Variants in CMSS1 observed in about 807,000 individuals in gnomAD.
The protein encoded by CMSS1 is cms1 ribosomal small subunit homolog, also known as protein CMSS1.
In CMSS1, 33 loss-of-function variants were observed where a neutral mutation model predicts 43.5. That is an observed-to-expected ratio of 0.76 (90% CI 0.57 to 1.01). CMSS1 has a LOEUF of 1.01. CMSS1 is among the 50% of genes least tolerant of loss of function. The pLI, the probability that CMSS1 is intolerant of heterozygous loss-of-function variation, is 0.00. For missense variants in CMSS1, 313 were observed against 326.4 expected (o/e 0.96, Z 0.32); for synonymous variants, 115 against 117.2 (o/e 0.98, Z 0.12).
intron 1 of CMSS1, among the ~76,000 whole-genome samples, chr3:100,110,805 T>C (rs2066478133): frequency 6.6e-6 from 1 of 152,160 alleles, no homozygotes; most frequent in African/African-American, 2.4e-5. Flanking sequence ...CACAACAGCC[T>C]ACTTATGCTT....
chr3:99,917,975 T>C (rs1404784691), intron 1 of CMSS1, among the ~76,000 whole-genome samples: 1 of 152,070 alleles, frequency 6.6e-6, no homozygotes, highest in Admixed American at 6.5e-5. Context: ...GTTTTTTGTT[T>C]TGTTTTGTTT....
At chr3:99,915,253 T>G (rs1279515291) in intron 1 of CMSS1, among the ~76,000 whole-genome samples, 1 of 152,234 alleles carries the variant, frequency 6.6e-6, no homozygotes, top group Non-Finnish European at 1.5e-5. Context: ...AATAATAGAT[T>G]AAAATGTAGC....
At chr3:99,874,778 C>G (rs1045645603) in intron 1 of CMSS1, among the ~76,000 whole-genome samples, 5 of 152,128 alleles carry the variant, frequency 3.3e-5, no homozygotes, top group Non-Finnish European at 5.9e-5. Context: ...ATGATAAAAT[C>G]TGGGATCTGA....
At chr3:99,969,355 A>G (rs1708747874) in intron 1 of CMSS1, among the ~76,000 whole-genome samples, 1 of 152,230 alleles carries the variant, frequency 6.6e-6, no homozygotes, top group Non-Finnish European at 1.5e-5. Flanking sequence ...AAATAAGAGC[A>G]AGCTAAGCAA....
At chr3:99,922,995 A>G (rs1046515230) in intron 1 of CMSS1, among the ~76,000 whole-genome samples, 3 of 151,840 alleles carry the variant, frequency 2.0e-5, no homozygotes, top group Non-Finnish European at 4.4e-5. Flanking sequence ...TCTTTTCTGC[A>G]TTATTTGGTG....
At chr3:100,009,107 A>T (rs1189429139) in intron 1 of CMSS1, among the ~76,000 whole-genome samples, 1 of 152,214 alleles carries the variant, frequency 6.6e-6, no homozygotes, top group Non-Finnish European at 1.5e-5. Context: ...TGGCCTTTAA[A>T]TATTAGAATA....
At chr3:99,874,391 G>T (rs1031053498) in intron 1 of CMSS1, 1 of 152,026 alleles carries the variant, frequency 6.6e-6, no homozygotes, top group Non-Finnish European at 1.5e-5. Context: ...TCCAATTACC[G>T]CTTATATCAG....
intron 1 of CMSS1, among the ~76,000 whole-genome samples, chr3:99,933,817 G>T (rs1707569365): frequency 1.3e-5 from 2 of 152,230 alleles, no homozygotes; most frequent in African/African-American, 4.8e-5. Context: ...TACATAATGG[G>T]CATGCATTAG....
At chr3:99,826,634 G>A (rs1469369940) in intron 1 of CMSS1, among the ~76,000 whole-genome samples, 1 of 152,170 alleles carries the variant, frequency 6.6e-6, no homozygotes, top group Non-Finnish European at 1.5e-5. Context: ...TGTATGTCAC[G>A]TGTCTTCAGG....
At chr3:99,834,087 A>G (rs944497232) in intron 1 of CMSS1, among the ~76,000 whole-genome samples, 5 of 152,234 alleles carry the variant, frequency 3.3e-5, no homozygotes, top group Non-Finnish European at 7.3e-5. Flanking sequence ...GAAATAAGAG[A>G]TAATGAATCT....
At chr3:99,884,983 C>G (rs976509766) in intron 1 of CMSS1, among the ~76,000 whole-genome samples, 2 of 152,138 alleles carry the variant, frequency 1.3e-5, no homozygotes, top group African/African-American at 4.8e-5. Context: ...TTTAACCATG[C>G]AAGTGGGGAA....
At chr3:100,017,248 T>C (rs1371547474) in intron 1 of CMSS1, among the ~76,000 whole-genome samples, 1 of 152,210 alleles carries the variant, frequency 6.6e-6, no homozygotes, top group African/African-American at 2.4e-5. Flanking sequence ...ATCCAGTTGG[T>C]CCATTATACA....
intron 1 of CMSS1, among the ~76,000 whole-genome samples, chr3:99,832,883 G>C (rs1177178297): frequency 2.4e-5 from 3 of 127,322 alleles, no homozygotes; most frequent in Non-Finnish European, 4.9e-5. Flanking sequence ...TTTCTTGTAT[G>C]ACTTATCCTT....
In CMSS1 at chr3:100,102,737, T is replaced by C. The variant is rs183000811; in HGVS notation, c.65-44236T>C. On this transcript the variant is annotated intron_variant, in intron 1 of 9. Coordinates refer to ENST00000421999, the MANE Select transcript of CMSS1 (RefSeq NM_032359.4). ...GACACTGTGCTTCCTCTGGGTTTGT[T>C]CATTTACTTGGCTATGAAAGACAAT... Among the ~76,000 whole-genome samples, 12 of 152,342 alleles carry C rather than the reference T, an allele frequency of 7.9e-5. No homozygotes were observed. The East Asian group carries it at 1.9e-3, about 24-fold the overall frequency.
intron 1 of CMSS1, among the ~76,000 whole-genome samples, chr3:99,950,509 A>G (rs1370892613): frequency 6.6e-6 from 1 of 152,156 alleles, no homozygotes. Context: ...TTCCGTTTTC[A>G]CTAGTCTCCC....
intron 1 of CMSS1, among the ~76,000 whole-genome samples, chr3:100,117,856 T>TATATATATATATATATATATAC (rs2066587917): frequency 3.5e-5 from 2 of 57,106 alleles, no homozygotes; most frequent in African/African-American, 1.3e-4. Flanking sequence ...TATATATACA[T>TATATATATATATATATATATAC]ATATATATAT....
intron 1 of CMSS1, among the ~76,000 whole-genome samples, chr3:99,999,834 A>AAAAAC (rs1202963835): frequency 6.6e-6 from 1 of 152,230 alleles, no homozygotes; most frequent in Non-Finnish European, 1.5e-5. Flanking sequence ...CTAGATTTAA[A>AAAAAC]AAAACAAAAC....
At chr3:99,851,157 TA>T in intron 1 of CMSS1, 1 of 1,032,818 alleles carries the variant, frequency 9.7e-7, no homozygotes, top group Non-Finnish European at 1.4e-6. Context: ...ATTTAGAAAT[TA>T]TGTAATTATA....
At chr3:99,991,858 A>ATG (rs1709521995) in intron 1 of CMSS1, among the ~76,000 whole-genome samples, 2 of 111,142 alleles carry the variant, frequency 1.8e-5, no homozygotes, top group South Asian at 2.9e-4. Context: ...GTGTGTGTGT[A>ATG]TGTGTATATA....
Sources: allele counts gnomAD v4.1 joint callset (sites outside exome capture counted in the v4.1 genomes callset), GRCh38; gene constraint gnomAD v4.1.1; transcripts MANE v1.5; gene names NCBI Gene and HGNC (gene_info 2026-07-23, HGNC 2026-07-21).